LONP2: variants seen among roughly 807,000 people sequenced by gnomAD.
The protein encoded by LONP2 is lon peptidase 2, peroxisomal.
Under a neutral mutation model 85.6 loss-of-function variants are expected in LONP2, and 60 were observed. That is an observed-to-expected ratio of 0.70 (90% CI 0.57 to 0.87). The LOEUF (loss-of-function observed/expected upper bound fraction) is 0.87, where lower values mean the gene tolerates loss of function less well. Among genes scored for constraint, LONP2 ranks in the 40% least tolerant of loss-of-function variants. The pLI is 0.00. For missense variants in LONP2, 860 were observed against 1,063.5 expected, an observed-to-expected ratio of 0.81 and a Z score of 2.66; for synonymous variants, 395 against 389.7, an observed-to-expected ratio of 1.01 and a Z score of -0.16.
chr16:48,285,308 T>TCAGACAGACAGACTGACA, intron 8 of LONP2, among the ~76,000 whole-genome samples: 1 of 152,206 alleles, frequency 6.6e-6, no homozygotes, highest in African/African-American at 2.4e-5. Context: ...AGATTGACTG[T>TCAGACAGACAGACTGACA]GTTTATGTGT....
In LONP2 at chr16:48,356,017, C is replaced by CCTT. The variant is rs1960335907; in HGVS notation, c.*4216_*4218dup. On this transcript the variant is annotated 3_prime_UTR_variant, in exon 15 of 15. Transcript: ENST00000285737. Reference sequence around the variant, plus strand: ...ATCCATGTTTTTACTTGGCTCTGCCCCTTTAGTGGTCCCTGTGAACCTTAC... The same window carrying CCTT: ...ATCCATGTTTTTACTTGGCTCTGCCCCTTCTTTAGTGGTCCCTGTGAACCTTAC... 6.6e-6 allele frequency: 1 copy of CCTT among 152,176 alleles called. No homozygotes were observed. Among genetic ancestry groups the CCTT allele is most frequent in the South Asian group, 2.1e-4 (1 of 4,832 alleles). The allele number at this position is 152,176 out of a possible 1,614,324, so 9.4% of individuals were successfully genotyped here.
At chr16:48,261,359 T>C in intron 4 of LONP2, 65 bp from the exon 5 acceptor site, 1 of 1,209,522 alleles carries the variant, frequency 8.3e-7, no homozygotes, top group South Asian at 1.6e-5. Context: ...ATCTTATGTG[T>C]ACCTGGGTAC....
intron 4 of LONP2, among the ~76,000 whole-genome samples, chr16:48,260,592 T>G (rs1971854711): frequency 6.6e-6 from 1 of 152,192 alleles, no homozygotes; most frequent in East Asian, 1.9e-4. Flanking sequence ...AAGCTTGACC[T>G]TGTCTCAAAA....
At chr16:48,293,345 G>A (rs367808020) in intron 8 of LONP2, among the ~76,000 whole-genome samples, 7 of 152,174 alleles carry the variant, frequency 4.6e-5, no homozygotes, top group African/African-American at 1.7e-4. Flanking sequence ...GGAGAATGGC[G>A]TGAGCCCGGG....
Position 48,351,074 on chromosome 16 carries a change from T to C in LONP2, c.2338-507T>C, listed in dbSNP as rs117118611. On this transcript the variant is annotated intron_variant, in intron 14 of 14. Transcript: ENST00000285737. ...GCCCACATTCAAGCAGGGGGACCATTGTAGACATGTTTGAAAGCCACCATA... is the reference window on the plus strand; with the variant it reads ...GCCCACATTCAAGCAGGGGGACCATCGTAGACATGTTTGAAAGCCACCATA... Among the ~76,000 whole-genome samples, 1,402 of 152,272 alleles carry C rather than the reference T, an allele frequency of 9.2e-3. 9 individuals carry two copies. The highest frequency in any genetic ancestry group is 0.015 in the Non-Finnish European group (999 of 68,018).
chr16:48,288,790 C>T (rs1972502053), intron 8 of LONP2, among the ~76,000 whole-genome samples: 1 of 152,054 alleles, frequency 6.6e-6, no homozygotes. Flanking sequence ...CAGTCTTCAC[C>T]CTGACTGCCC....
intron 11 of LONP2, among the ~76,000 whole-genome samples, chr16:48,309,214 C>T (rs1052871139): frequency 6.6e-5 from 10 of 152,080 alleles, no homozygotes; most frequent in African/African-American, 2.4e-4. Flanking sequence ...AAATTAGTAC[C>T]ACCTCTATGG....
At chr16:48,319,013 A>C (rs1973206005) in intron 11 of LONP2, among the ~76,000 whole-genome samples, 2 of 151,564 alleles carry the variant, frequency 1.3e-5, no homozygotes, top group Admixed American at 1.3e-4. Flanking sequence ...TCCAAATCTG[A>C]AACATATCCA....
intron 12 of LONP2, among the ~76,000 whole-genome samples, chr16:48,337,248 G>T (rs1959679539): frequency 6.6e-6 from 1 of 152,208 alleles, no homozygotes; most frequent in Admixed American, 6.5e-5. Flanking sequence ...GCCCTTGTCT[G>T]CTAGAAGAGA....
chr16:48,247,217 T>TAAAGAAA (rs59629348), intron 1 of LONP2: 237 of 141,104 alleles, frequency 1.7e-3, no homozygotes, highest in African/African-American at 6.0e-3. Context: ...ACACTCTACT[T>TAAAGAAA]AAAAAAAAAA....
chr16:48,301,502 G>A (rs1315706174), intron 10 of LONP2, among the ~76,000 whole-genome samples: 1 of 152,094 alleles, frequency 6.6e-6, no homozygotes, highest in Admixed American at 6.5e-5. Flanking sequence ...GGGCGTGGTG[G>A]TGTGTGCCTG....
intron 12 of LONP2, among the ~76,000 whole-genome samples, chr16:48,342,277 T>G (rs796271633): frequency 2.4e-4 from 36 of 152,302 alleles, no homozygotes; most frequent in African/African-American, 8.4e-4. Flanking sequence ...GAAGACACTT[T>G]AAAGCCTCCT....
chr16:48,297,549 A>G lies in LONP2; in HGVS notation c.1534+1384A>G, dbSNP rs889052874. 4.5e-4 allele frequency among the ~76,000 whole-genome samples: 69 copies of G among 152,122 alleles called. 1 individual carries two copies. On this transcript the variant is annotated intron_variant, in intron 9 of 14. Transcript: ENST00000285737. ...GGTCTTGAACTCCTGACCTTAGGTG[A>G]TTCACCCGCCTCAGCCTCCAAAGTG...
At chr16:48,322,293 A>G (rs1191036056) in intron 11 of LONP2, among the ~76,000 whole-genome samples, 1 of 152,206 alleles carries the variant, frequency 6.6e-6, no homozygotes, top group Non-Finnish European at 1.5e-5. Context: ...TTCTGGCATA[A>G]ATGGGTTAAT....
chr16:48,257,193 C>T (rs1050923686), intron 3 of LONP2, among the ~76,000 whole-genome samples: 1 of 152,088 alleles, frequency 6.6e-6, no homozygotes, highest in South Asian at 2.1e-4. Context: ...CGCCTATAAT[C>T]CCAGCTACTC....
In LONP2 at chr16:48,334,199, A is replaced by AT. The variant is rs756521835; in HGVS notation, c.1796-8dup. The stretch of plus-strand genomic sequence containing the variant: ...CAAATCTCTTAGAACTTCTAAATAC[A>AT]TTTTTTTTTCTTTTAGGTTGCAGAG... On this transcript the variant is annotated splice_polypyrimidine_tract_variant and intron_variant, in intron 11 of 14. Coordinates refer to ENST00000285737, the MANE Select transcript of LONP2 (RefSeq NM_031490.5). The AT allele has an allele frequency of 3.1e-4, 495 of 1,592,612 alleles. No homozygotes were observed. Among genetic ancestry groups the AT allele is most frequent in the Non-Finnish European group, 3.3e-4 (390 of 1,165,362 alleles).
At chr16:48,268,583 T>C (rs981540689) in intron 6 of LONP2, among the ~76,000 whole-genome samples, 6 of 152,306 alleles carry the variant, frequency 3.9e-5, no homozygotes, top group Middle Eastern at 3.4e-3. Flanking sequence ...ATAAAAAGAT[T>C]TGTCTGAGGT....
In LONP2 at chr16:48,244,423, G is replaced by T; in HGVS notation, c.35G>T (p.Arg12Leu). The change falls in exon 1 of 15, where the codon CGC becomes CTC. Residue 12 changes from arginine (R) to leucine (L), a missense_variant. Coordinates refer to ENST00000285737, the MANE Select transcript of LONP2 (RefSeq NM_031490.5). ...SSVSPIQIPS[R>L]LPLLLTHEGV... is the part of the protein sequence containing the mutation. ...GTGAGCCCCATCCAGATCCCCAGTC[G>T]CCTCCCGCTGCTGCTCACCCACGAG... The T allele has an allele frequency of 6.3e-7, 1 of 1,582,344 alleles. No homozygotes were observed.
intron 8 of LONP2, among the ~76,000 whole-genome samples, chr16:48,292,732 T>C (rs1972581581): frequency 6.6e-6 from 1 of 152,222 alleles, no homozygotes. Flanking sequence ...CTGTAAGCAA[T>C]CCCGCTGTTT....
Sources: gnomAD v4.1 joint callset for allele counts (sites outside exome capture counted in the v4.1 genomes callset) on GRCh38, gnomAD v4.1.1 for gene constraint, MANE v1.5 for transcripts, NCBI Gene and HGNC (gene_info 2026-07-23, HGNC 2026-07-21) for gene names.